Variants in TENM2 observed in about 807,000 individuals in gnomAD.
TENM2 encodes teneurin transmembrane protein 2.
A neutral mutation model predicts 245.2 loss-of-function variants in TENM2; 52 were observed. That is an observed-to-expected ratio of 0.21 (90% confidence interval 0.17 to 0.27). The LOEUF is 0.27. TENM2 is among the 10% of genes least tolerant of loss of function. The pLI is 1.00. For synonymous variants in TENM2, 1,363 were observed against 1,438.9 expected, an observed-to-expected ratio of 0.95 and a Z score of 1.19; for missense variants, 3,046 against 3,666.8, an observed-to-expected ratio of 0.83 and a Z score of 4.37.
intron 3 of TENM2, among the ~76,000 whole-genome samples, chr5:167,884,294 T>C (rs1774110671): frequency 6.6e-6 from 1 of 152,222 alleles, no homozygotes; most frequent in Non-Finnish European, 1.5e-5. Flanking sequence ...TTTTTAAGTG[T>C]AGAGTTCTAT....
At chr5:168,110,096 T>C (rs1319364970) in intron 9 of TENM2, among the ~76,000 whole-genome samples, 1 of 145,962 alleles carries the variant, frequency 6.9e-6, no homozygotes, top group East Asian at 2.0e-4. Flanking sequence ...AGAGCAGCCC[T>C]GGAAGGCAGA....
chr5:167,646,513 C>T (rs1779975884), intron 2 of TENM2, among the ~76,000 whole-genome samples: 1 of 151,000 alleles, frequency 6.6e-6, no homozygotes. Context: ...CAAGCTGAAC[C>T]TCGGAATATG....
At chr5:168,047,220 C>T (rs1460655167) in intron 5 of TENM2, among the ~76,000 whole-genome samples, 1 of 152,170 alleles carries the variant, frequency 6.6e-6, no homozygotes, top group East Asian at 1.9e-4. Flanking sequence ...CCCCCTGAGA[C>T]TGTGAGCAGC....
At chr5:168,103,443 A>C (rs1182781145) in intron 9 of TENM2, among the ~76,000 whole-genome samples, 20 of 152,102 alleles carry the variant, frequency 1.3e-4, no homozygotes, top group Admixed American at 1.3e-3. Context: ...TTTAATCGTC[A>C]CGCCCCCTTC....
exon 29 of TENM2, chr5:168,262,511 C>T (rs1313928040): frequency 6.4e-7 from 1 of 1,556,554 alleles, no homozygotes; most frequent in Admixed American, 1.9e-5. Flanking sequence ...CTCCACGCTG[C>T]TGCTCAGCAT....
chr5:167,774,915 A>T (rs1453121282), intron 2 of TENM2, among the ~76,000 whole-genome samples: 1 of 152,116 alleles, frequency 6.6e-6, no homozygotes, highest in Admixed American at 6.5e-5. Context: ...GTGTTGCCCA[A>T]TTTGCAAGTT....
intron 22 of TENM2, 135 bp from the exon 25 acceptor site, chr5:168,217,990 G>A (rs1176570474): frequency 1.9e-5 from 17 of 876,310 alleles, no homozygotes; most frequent in Non-Finnish European, 2.6e-5. Flanking sequence ...CTGGTTCAAT[G>A]AAGAGCATTT....
chr5:168,148,905 AGATAGATAGATAGATT>A (rs1476454826), intron 12 of TENM2, among the ~76,000 whole-genome samples: 16 of 136,106 alleles, frequency 1.2e-4, no homozygotes, highest in Admixed American at 5.3e-4. Context: ...ATAGATAGAT[AGATAGATAGATAGATT>A]GATAGATAGC....
intron 5 of TENM2, among the ~76,000 whole-genome samples, chr5:168,000,191 G>T (rs1784329293): frequency 6.6e-6 from 1 of 152,192 alleles, no homozygotes; most frequent in African/African-American, 2.4e-5. Flanking sequence ...CTTCCACAGT[G>T]TGCTTTTAAA....
chr5:167,943,236 T>C (rs901620306), intron 3 of TENM2, among the ~76,000 whole-genome samples: 1 of 152,216 alleles, frequency 6.6e-6, no homozygotes, highest in Admixed American at 6.5e-5. Flanking sequence ...TCCTTGCCAT[T>C]TAACTGGTAT....
chr5:168,030,207 G>T (rs1253573273), intron 5 of TENM2, among the ~76,000 whole-genome samples: 1 of 91,226 alleles, frequency 1.1e-5, no homozygotes, highest in Non-Finnish European at 2.0e-5. Context: ...ACCCTGGCTT[G>T]AATATCTCTT....
chr5:167,242,039 G>GTTTTTT, the TENM2 span, among the ~76,000 whole-genome samples: 9 of 140,184 alleles, frequency 6.4e-5, no homozygotes, highest in African/African-American at 1.6e-4. Flanking sequence ...TTCTTTTTTT[G>GTTTTTT]TTTTTTGTTT....
the TENM2 span, chr5:167,165,316 T>C: frequency 2.6e-5 from 4 of 152,190 alleles, no homozygotes; most frequent in Non-Finnish European, 4.4e-5. Flanking sequence ...TTCTGTCTTG[T>C]GGCTCCACCC....
At chr5:167,042,529 G>T in the TENM2 span, among the ~76,000 whole-genome samples, 4 of 152,118 alleles carry the variant, frequency 2.6e-5, no homozygotes, top group South Asian at 6.2e-4. Flanking sequence ...TTGATATTTT[G>T]GGGGGAAACT....
At chr5:167,947,520 G>A (rs1160316224) in intron 3 of TENM2, among the ~76,000 whole-genome samples, 2 of 152,174 alleles carry the variant, frequency 1.3e-5, no homozygotes, top group Admixed American at 6.5e-5. Context: ...ATCTGCAACA[G>A]ACTCTGTCCT....
chr5:167,352,410 T>C (rs543430148), intron 1 of TENM2, among the ~76,000 whole-genome samples: 6 of 152,356 alleles, frequency 3.9e-5, no homozygotes, highest in African/African-American at 1.4e-4. Flanking sequence ...AAGCAGATAA[T>C]TATTAAAAAC....
intron 4 of TENM2, among the ~76,000 whole-genome samples, chr5:167,980,673 T>C (rs1467853095): frequency 1.3e-5 from 2 of 152,118 alleles, no homozygotes; most frequent in East Asian, 3.9e-4. Flanking sequence ...TTTATGTTTG[T>C]AGGAAATGAC....
intron 3 of TENM2, among the ~76,000 whole-genome samples, chr5:167,887,238 A>T (rs1774358214): frequency 6.6e-6 from 1 of 152,250 alleles, no homozygotes. Flanking sequence ...CATTTCATGC[A>T]TGTAAGTCAC....
intron 2 of TENM2, among the ~76,000 whole-genome samples, chr5:167,814,905 A>G (rs1766929473): frequency 6.6e-6 from 1 of 152,192 alleles, no homozygotes; most frequent in Admixed American, 6.5e-5. Flanking sequence ...AGAATGTGTG[A>G]GGAAACGGCT....
Sources: gnomAD v4.1 joint callset for allele counts (sites outside exome capture counted in the v4.1 genomes callset) on GRCh38, gnomAD v4.1.1 for gene constraint, MANE v1.5 for transcripts, NCBI Gene and HGNC (gene_info 2026-07-23, HGNC 2026-07-21) for gene names.